OR6C1: variants seen among roughly 807,000 people sequenced by gnomAD.
OR6C1 encodes the protein olfactory receptor 6C1.
For synonymous variants in OR6C1, 157 were observed against 133.3 expected (o/e 1.18, Z -1.22); for missense variants, 386 against 366.1 (o/e 1.05, Z -0.44).
chr12:55,316,488 C>T (rs923723173), intron 1 of OR6C1, among the ~76,000 whole-genome samples: 33 of 151,678 alleles, frequency 2.2e-4, no homozygotes, highest in African/African-American at 8.0e-4. Flanking sequence ...GAAATGAAAA[C>T]AACCTAAGCC....
At chr12:55,317,576 G>A (rs1167716392) in intron 1 of OR6C1, among the ~76,000 whole-genome samples, 1 of 151,878 alleles carries the variant, frequency 6.6e-6, no homozygotes, top group African/African-American at 2.4e-5. Context: ...CTGCACTGAT[G>A]GCAGTGTGTG....
chr12:55,321,646 C>T lies in OR6C1; in HGVS notation c.*108C>T. The stretch of plus-strand genomic sequence containing the variant: ...GCAGTCTTCTGCATCATTTTCTTTT[C>T]CCTAAAAGTTTGCAAGCATATTTAT... On this transcript the variant is annotated 3_prime_UTR_variant, in exon 2 of 2. Transcript: ENST00000642104. 1.6e-6 allele frequency: 1 copy of T among 634,494 alleles called. No individual in the cohort carries two copies. Among genetic ancestry groups the T allele is most frequent in the Admixed American group, 2.9e-5 (1 of 33,938 alleles). The allele number at this position is 634,494 out of a possible 1,614,324, so 39.3% of individuals were successfully genotyped here. A position where few individuals can be genotyped will look rare whatever the true frequency, so the allele number is the denominator to read the frequency against.
Position 55,321,358 on chromosome 12 carries a change from C to T in OR6C1, c.759C>T (p.Cys253=). 1 of 1,613,924 alleles carries T rather than the reference C, an allele frequency of 6.2e-7. No homozygotes were observed. Among genetic ancestry groups the T allele is most frequent in the Non-Finnish European group, 8.5e-7 (1 of 1,179,864 alleles). The change falls in exon 2 of 2, where the codon TGC becomes TGT. Residue 253 remains cysteine, a synonymous_variant. Transcript: ENST00000642104. ...MVVVSISYGS[C]IFMYIKPSAK... The stretch of plus-strand genomic sequence containing the variant: ...TTGTCTCCATCTCTTATGGCAGCTG[C>T]ATTTTTATGTACATTAAACCCTCAG...
intron 1 of OR6C1, among the ~76,000 whole-genome samples, chr12:55,315,035 A>AATGAAT: frequency 6.6e-6 from 1 of 151,792 alleles, no homozygotes; most frequent in African/African-American, 2.4e-5. Flanking sequence ...TTAATAAATC[A>AATGAAT]CAACTACAAT....
intron 1 of OR6C1, among the ~76,000 whole-genome samples, chr12:55,318,077 T>A (rs1394937717): frequency 1.3e-5 from 2 of 151,318 alleles, no homozygotes; most frequent in East Asian, 1.9e-4. Context: ...ATATAATATA[T>A]ATGCACATAT....
At chr12:55,316,088 A>G (rs1268361632) in intron 1 of OR6C1, among the ~76,000 whole-genome samples, 1 of 140,344 alleles carries the variant, frequency 7.1e-6, no homozygotes, top group African/African-American at 3.0e-5. Context: ...ACCTTATTAA[A>G]AAGTACATAC....
intron 1 of OR6C1, among the ~76,000 whole-genome samples, chr12:55,314,902 A>T (rs1868385632): frequency 6.6e-6 from 1 of 151,602 alleles, no homozygotes; most frequent in South Asian, 2.1e-4. Flanking sequence ...TATATGAATT[A>T]AGTTATATAA....
rs1379926108 is a variant in OR6C1 at position 55,320,923 on chromosome 12, A to T, written c.324A>T (p.Thr108=). 6.2e-7 allele frequency: 1 copy of T among 1,613,902 alleles called. No homozygotes were observed. Among genetic ancestry groups the T allele is most frequent in the East Asian group, 2.2e-5 (1 of 44,890 alleles). The part of the protein sequence containing the change: ...QLFFFILLGV[T]EFYLLAAMSY... ...TTTTCTTCATTCTCTTGGGAGTCAC[A>T]GAGTTTTACCTTCTGGCTGCCATGT... Residue 108 remains threonine (T), a synonymous_variant, in exon 2 of 2, where the codon ACA becomes ACT. Transcript: ENST00000642104.
Position 55,321,234 on chromosome 12 carries a change from T to C in OR6C1, c.635T>C (p.Ile212Thr), listed in dbSNP as rs1868541307. 1 of 1,613,896 alleles carries C rather than the reference T, an allele frequency of 6.2e-7. No homozygotes were observed. The highest frequency in any genetic ancestry group is 1.3e-5 in the African/African-American group (1 of 74,944). The change falls in exon 2 of 2, where the codon ATA becomes ACA. Residue 212 changes from isoleucine to threonine, a missense_variant. Physicochemically the swap from Ile to Thr is moderately conservative, Grantham distance 89 (BLOSUM62 -1). Transcript: ENST00000642104. ...AFTLMFTLAL[I>T]FLSYIYIIRT... ...ACTCTAATGTTCACTTTGGCATTAA[T>C]ATTTCTGTCCTACATATACATTATC... is the stretch of plus-strand genomic sequence containing the variant.
At chr12:55,317,515 G>GAAAAAA (rs1868429799) in intron 1 of OR6C1, among the ~76,000 whole-genome samples, 1 of 151,800 alleles carries the variant, frequency 6.6e-6, no homozygotes, top group African/African-American at 2.4e-5. Context: ...GTAAAACAAA[G>GAAAAAA]ATAAAAAACT....
chr12:55,317,468 C>T (rs1210667369), intron 1 of OR6C1, among the ~76,000 whole-genome samples: 3 of 151,888 alleles, frequency 2.0e-5, no homozygotes, highest in Admixed American at 6.6e-5. Context: ...TATGTAAACA[C>T]AGCTCACAAG....
In OR6C1 at chr12:55,321,564, G is replaced by T. The variant is rs1868563084; in HGVS notation, c.*26G>T. 1 of 1,493,578 alleles carries T rather than the reference G, an allele frequency of 6.7e-7. No homozygotes were observed. The highest frequency in any genetic ancestry group is 9.2e-7 in the Non-Finnish European group (1 of 1,091,108). 92.5% of individuals were successfully genotyped at this position (1,493,578 alleles called of 1,614,324 possible). ...AATGGTATGGTGTGATGAATTAGAG[G>T]CACAGGAAAGGACAATATGAATTTT... is the stretch of plus-strand genomic sequence containing the variant. On this transcript the variant is annotated 3_prime_UTR_variant, in exon 2 of 2. Coordinates refer to ENST00000642104, the MANE Select transcript of OR6C1 (RefSeq NM_001005182.2).
At chr12:55,316,515 A>C (rs1228397335) in intron 1 of OR6C1, among the ~76,000 whole-genome samples, 1 of 151,904 alleles carries the variant, frequency 6.6e-6, no homozygotes, top group Non-Finnish European at 1.5e-5. Context: ...TTCCAGGAGA[A>C]AATATGGATT....
intron 1 of OR6C1, among the ~76,000 whole-genome samples, chr12:55,315,374 T>C (rs1351131597): frequency 1.3e-5 from 2 of 151,712 alleles, no homozygotes; most frequent in African/African-American, 4.8e-5. Context: ...TTTCTGTTAA[T>C]TTATGTCCTT....
chr12:55,317,769 T>C (rs1868434461), intron 1 of OR6C1, among the ~76,000 whole-genome samples: 1 of 151,816 alleles, frequency 6.6e-6, no homozygotes, highest in Non-Finnish European at 1.5e-5. Context: ...CAGCCTGTTG[T>C]AAGTGTGATG....
At chr12:55,317,055 G>A (rs926949451) in intron 1 of OR6C1, among the ~76,000 whole-genome samples, 1 of 151,862 alleles carries the variant, frequency 6.6e-6, no homozygotes, top group Admixed American at 6.6e-5. Context: ...TTGAAATAAG[G>A]TGAATAATAC....
At chr12:55,317,318 G>A (rs187025859) in intron 1 of OR6C1, among the ~76,000 whole-genome samples, 21 of 152,008 alleles carry the variant, frequency 1.4e-4, no homozygotes, top group Admixed American at 1.4e-3. Context: ...ATGAAAGGAT[G>A]AATTGTAAAA....
intron 1 of OR6C1, among the ~76,000 whole-genome samples, chr12:55,315,937 G>A (rs954869914): frequency 6.6e-6 from 1 of 151,378 alleles, no homozygotes; most frequent in Admixed American, 6.6e-5. Context: ...TATAGTTTTT[G>A]AAGATACGCT....
chr12:55,315,800 G>GT (rs1423956136), intron 1 of OR6C1, among the ~76,000 whole-genome samples: 5 of 150,630 alleles, frequency 3.3e-5, no homozygotes, highest in South Asian at 4.2e-4. Flanking sequence ...GTACCAAAGT[G>GT]TATTTCAGCA....
Sources: allele counts gnomAD v4.1 joint callset (sites outside exome capture counted in the v4.1 genomes callset), GRCh38; gene constraint gnomAD v4.1.1; transcripts MANE v1.5; gene names NCBI Gene and HGNC (gene_info 2026-07-23, HGNC 2026-07-21).